TCEA3: variants seen among roughly 807,000 people sequenced by gnomAD.
TCEA3 encodes transcription elongation factor A3, also known as transcription elongation factor A protein 3.
TCEA3 carries 36 observed loss-of-function variants against 44.0 expected under a neutral mutation model. The observed-to-expected ratio is 0.82, with a 90% CI of 0.63 to 1.08. The LOEUF is 1.08. Among genes scored for constraint, TCEA3 ranks in the 50% least tolerant of loss-of-function variants. The pLI is 0.00. For synonymous variants in TCEA3, 162 were observed against 159.7 expected, an observed-to-expected ratio of 1.01 and a Z score of -0.11; for missense variants, 392 against 441.2, an observed-to-expected ratio of 0.89 and a Z score of 1.00.
chr1:23,414,156 A>G (rs899691658), intron 4 of TCEA3, among the ~76,000 whole-genome samples: 15 of 149,506 alleles, frequency 1.0e-4, no homozygotes, highest in African/African-American at 3.2e-4. Context: ...GCACGCTCTC[A>G]GCTCACTGAA....
At chr1:23,416,170 C>A (rs1445710232) in intron 4 of TCEA3, among the ~76,000 whole-genome samples, 1 of 151,882 alleles carries the variant, frequency 6.6e-6, no homozygotes, top group African/African-American at 2.4e-5. Context: ...CCACACCCAG[C>A]TAATTTTGTA....
intron 5 of TCEA3, among the ~76,000 whole-genome samples, chr1:23,401,650 T>C (rs759537037): frequency 6.6e-6 from 1 of 152,196 alleles, no homozygotes; most frequent in Non-Finnish European, 1.5e-5. Context: ...CTGGTTTCCC[T>C]GTGTCCTCTT....
chr1:23,399,144 G>GTATATATATATATATATATGTATA (rs1639312578), intron 5 of TCEA3, among the ~76,000 whole-genome samples: 2 of 61,146 alleles, frequency 3.3e-5, no homozygotes, highest in African/African-American at 1.1e-4. Context: ...ATGTATATAT[G>GTATATATATATATATATATGTATA]TATATATATA....
intron 8 of TCEA3, among the ~76,000 whole-genome samples, chr1:23,390,007 G>T (rs542396332): frequency 6.6e-6 from 1 of 152,184 alleles, no homozygotes; most frequent in Non-Finnish European, 1.5e-5. Context: ...ACACGAGATT[G>T]CAAGAGAGGG....
intron 5 of TCEA3, among the ~76,000 whole-genome samples, chr1:23,406,030 C>A (rs1639534414): frequency 6.6e-6 from 1 of 152,162 alleles, no homozygotes; most frequent in Admixed American, 6.5e-5. Context: ...AACGCCTCCA[C>A]ACATTTCTAA....
At chr1:23,398,863 G>T (rs1639297617) in intron 5 of TCEA3, among the ~76,000 whole-genome samples, 1 of 151,732 alleles carries the variant, frequency 6.6e-6, no homozygotes, top group Non-Finnish European at 1.5e-5. Flanking sequence ...GACCTCCTGG[G>T]CTCAGGCAAT....
In TCEA3 at chr1:23,424,740, A is replaced by C; in HGVS notation, c.-107T>G. ...CGCGCAACCCGCGCGGGCCCCAAACACACACGACACACACGCCCGGCGGGG... is the reference window on the plus strand; with the variant it reads ...CGCGCAACCCGCGCGGGCCCCAAACCCACACGACACACACGCCCGGCGGGG... On this transcript the variant is annotated 5_prime_UTR_variant, in exon 1 of 11. Transcript: ENST00000450454. 2 of 698,012 alleles carry C rather than the reference A, an allele frequency of 2.9e-6. No individual in the cohort carries two copies. The highest frequency in any genetic ancestry group is 1.9e-5 in the African/African-American group (1 of 53,188). 43.2% of individuals were successfully genotyped at this position (698,012 alleles called of 1,614,324 possible). A position where few individuals can be genotyped will look rare whatever the true frequency, so the allele number is the denominator to read the frequency against.
intron 1 of TCEA3, chr1:23,423,777 G>C (rs764120894): frequency 3.3e-5 from 15 of 455,896 alleles, no homozygotes; most frequent in Admixed American, 4.7e-5. Flanking sequence ...CAAAGATCAC[G>C]GGGAAGATCA....
chr1:23,416,638 T>G (rs1639896867), intron 4 of TCEA3, among the ~76,000 whole-genome samples: 1 of 152,048 alleles, frequency 6.6e-6, no homozygotes, highest in Non-Finnish European at 1.5e-5. Flanking sequence ...ATTACAGGTG[T>G]GCGCTACCAT....
intron 7 of TCEA3, 95 bp downstream of exon 7, chr1:23,397,450 T>C (rs1351454960): frequency 1.7e-6 from 2 of 1,165,792 alleles, no homozygotes; most frequent in African/African-American, 1.5e-5. Flanking sequence ...CCGGAGCCCT[T>C]CCTCTCCTTC....
At chr1:23,413,524 C>T (rs937233941) in intron 4 of TCEA3, among the ~76,000 whole-genome samples, 3 of 152,154 alleles carry the variant, frequency 2.0e-5, no homozygotes, top group Admixed American at 2.0e-4. Flanking sequence ...ACCTCAGCCT[C>T]CCAAATTCAA....
chr1:23,401,325 G>A (rs1260363585), intron 5 of TCEA3, among the ~76,000 whole-genome samples: 3 of 152,150 alleles, frequency 2.0e-5, no homozygotes, highest in Admixed American at 2.0e-4. Flanking sequence ...TAAAAATTTT[G>A]TCCAAAGGGA....
chr1:23,389,583 G>A (rs1558025310), intron 8 of TCEA3, among the ~76,000 whole-genome samples: 1 of 152,126 alleles, frequency 6.6e-6, no homozygotes, highest in African/African-American at 2.4e-5. Flanking sequence ...CTGGGAGGTG[G>A]AGGGTGCAGT....
intron 7 of TCEA3, among the ~76,000 whole-genome samples, chr1:23,396,757 C>A (rs1172419174): frequency 6.6e-6 from 1 of 152,088 alleles, no homozygotes; most frequent in Non-Finnish European, 1.5e-5. Context: ...AATCCCAGCA[C>A]TTTGGGATGC....
At chr1:23,400,390 T>TTTTTTTTTTAA (rs1639364539) in intron 5 of TCEA3, among the ~76,000 whole-genome samples, 1 of 136,484 alleles carries the variant, frequency 7.3e-6, no homozygotes, top group Non-Finnish European at 1.6e-5. Flanking sequence ...TTTTTTTTTG[T>TTTTTTTTTTAA]AGAAATGGGG....
At chr1:23,383,001 C>T (rs532717079) in intron 10 of TCEA3, among the ~76,000 whole-genome samples, 102 of 152,284 alleles carry the variant, frequency 6.7e-4, no homozygotes, top group African/African-American at 1.9e-3. Context: ...AATTAGAGGC[C>T]GGGCGCGGCG....
chr1:23,417,195 G>C (rs754631666), intron 4 of TCEA3, 54 bp downstream of exon 4: 9 of 1,586,498 alleles, frequency 5.7e-6, no homozygotes, highest in Non-Finnish European at 7.7e-6. Context: ...CTGAGTTGCT[G>C]TCAGAGGACG....
chr1:23,421,099 T>C (rs1640052663), intron 1 of TCEA3, among the ~76,000 whole-genome samples: 2 of 152,178 alleles, frequency 1.3e-5, no homozygotes, highest in South Asian at 4.1e-4. Flanking sequence ...GACCTGCAGA[T>C]GTGTGTGTAT....
chr1:23,392,387 C>T (rs111634557), intron 8 of TCEA3, among the ~76,000 whole-genome samples: 192 of 12,994 alleles, frequency 0.015, no homozygotes, highest in Middle Eastern at 0.042. Flanking sequence ...ACATCATACA[C>T]AAAACACACT....
Sources: gnomAD v4.1 joint callset for allele counts (sites outside exome capture counted in the v4.1 genomes callset) on GRCh38, gnomAD v4.1.1 for gene constraint, MANE v1.5 for transcripts, NCBI Gene and HGNC (gene_info 2026-07-23, HGNC 2026-07-21) for gene names.